PRKN: variants seen among roughly 807,000 people sequenced by gnomAD.
The protein encoded by PRKN is E3 ubiquitin-protein ligase parkin.
A neutral mutation model predicts 59.5 loss-of-function variants in PRKN; 56 were observed. The observed-to-expected ratio is 0.94, with a 90% CI of 0.76 to 1.18. The LOEUF (loss-of-function observed/expected upper bound fraction) is 1.18. Among genes scored for constraint, PRKN ranks in the 50% most tolerant of loss-of-function variants. PRKN has a pLI of 0.00. For synonymous variants in PRKN, 250 were observed against 222.1 expected, an observed-to-expected ratio of 1.13 and a Z score of -1.12; for missense variants, 657 against 596.4, an observed-to-expected ratio of 1.10 and a Z score of -1.06.
intron 7 of PRKN, among the ~76,000 whole-genome samples, chr6:161,784,371 G>A (rs1366552070): frequency 6.6e-6 from 1 of 152,166 alleles, no homozygotes; most frequent in Non-Finnish European, 1.5e-5. Context: ...TATAGAATGG[G>A]AGAAATATGT....
chr6:162,218,049 G>A (rs1457819838), intron 3 of PRKN, among the ~76,000 whole-genome samples: 1 of 152,204 alleles, frequency 6.6e-6, no homozygotes, highest in Non-Finnish European at 1.5e-5. Flanking sequence ...ACGCCGGGGT[G>A]ACAGGTCTGC....
chr6:162,075,125 T>C (rs1010143467), intron 4 of PRKN, among the ~76,000 whole-genome samples: 39 of 152,206 alleles, frequency 2.6e-4, no homozygotes, highest in African/African-American at 7.5e-4. Flanking sequence ...GTAGCTCAGA[T>C]TAGAGGCAGT....
intron 5 of PRKN, among the ~76,000 whole-genome samples, chr6:162,049,731 GT>G (rs1777550074): frequency 6.6e-6 from 1 of 152,108 alleles, no homozygotes; most frequent in Non-Finnish European, 1.5e-5. Context: ...GAATGTCCAC[GT>G]GTAACAGATT....
intron 7 of PRKN, among the ~76,000 whole-genome samples, chr6:161,678,464 T>C (rs1034128948): frequency 1.2e-4 from 18 of 151,870 alleles, no homozygotes; most frequent in African/African-American, 3.9e-4. Context: ...TAAAAAGTTA[T>C]CAGAAATGGT....
At chr6:162,089,098 C>T (rs1023169284) in intron 4 of PRKN, among the ~76,000 whole-genome samples, 6 of 152,086 alleles carry the variant, frequency 3.9e-5, no homozygotes, top group African/African-American at 1.2e-4. Context: ...ATCATCACTA[C>T]AGTAAAATGA....
intron 2 of PRKN, among the ~76,000 whole-genome samples, chr6:162,328,359 C>T (rs914281546): frequency 3.9e-5 from 6 of 152,038 alleles, no homozygotes; most frequent in Admixed American, 1.3e-4. Context: ...AGTGAGATTC[C>T]GTCTCAAAAA....
chr6:162,203,775 C>A (rs1244392883), intron 3 of PRKN, among the ~76,000 whole-genome samples: 2 of 152,234 alleles, frequency 1.3e-5, no homozygotes, highest in Middle Eastern at 3.4e-3. Flanking sequence ...GTTCTTGGAC[C>A]TTAAAATCCT....
At chr6:162,263,467 G>A (rs759254113) in intron 2 of PRKN, among the ~76,000 whole-genome samples, 7 of 152,114 alleles carry the variant, frequency 4.6e-5, no homozygotes, top group Non-Finnish European at 8.8e-5. Context: ...GCACACTCTT[G>A]CCACCCAGGG....
Position 161,447,579 on chromosome 6 carries a change from C to T in PRKN, c.1084-60702G>A, listed in dbSNP as rs186578870. Among the ~76,000 whole-genome samples the T allele has an allele frequency of 3.7e-4, 56 of 152,140 alleles. No individual in the cohort carries two copies. Among genetic ancestry groups the T allele is most frequent in the Admixed American group, 2.8e-3 (43 of 15,290 alleles). On this transcript the variant is annotated intron_variant, in intron 9 of 11. Transcript: ENST00000366898. This position sits in a 1 kb window ranked among gnomAD's most constrained non-coding sequence, Gnocchi z 4.1. ...AGTGATCTCAGCTCACTGCAACCTC[C>T]GCCTCCCGGGTTCAAGCGATGCTCC...
chr6:162,129,690 C>G (rs1266713136), intron 4 of PRKN, among the ~76,000 whole-genome samples: 3 of 152,084 alleles, frequency 2.0e-5, no homozygotes, highest in African/African-American at 7.2e-5. Flanking sequence ...TAACACTTTA[C>G]TATAAAATAC....
chr6:162,714,595 G>A (rs1470076951), intron 1 of PRKN, among the ~76,000 whole-genome samples: 1 of 152,048 alleles, frequency 6.6e-6, no homozygotes, highest in Non-Finnish European at 1.5e-5. Flanking sequence ...GAAATGATTG[G>A]ATCAAGAAAA....
At chr6:162,660,852 G>A (rs1344670262) in intron 1 of PRKN, among the ~76,000 whole-genome samples, 1 of 152,156 alleles carries the variant, frequency 6.6e-6, no homozygotes. Context: ...TTCAACTTGT[G>A]TAGGAGAGTT....
chr6:162,347,966 T>C (rs1784473000), intron 2 of PRKN, among the ~76,000 whole-genome samples: 1 of 152,168 alleles, frequency 6.6e-6, no homozygotes, highest in South Asian at 2.1e-4. Flanking sequence ...GAGATAAAGC[T>C]GAGAGTTGAG....
At chr6:162,395,664 G>A (rs778946822) in intron 2 of PRKN, among the ~76,000 whole-genome samples, 5 of 151,430 alleles carry the variant, frequency 3.3e-5, no homozygotes, top group African/African-American at 9.7e-5. Flanking sequence ...TGATACAAAC[G>A]CCAAAGTTAC....
At chr6:162,502,698 C>T (rs1023967712) in intron 1 of PRKN, among the ~76,000 whole-genome samples, 5 of 151,996 alleles carry the variant, frequency 3.3e-5, no homozygotes, top group African/African-American at 7.2e-5. Context: ...ATAACACACG[C>T]TTTTCCTCAG....
chr6:162,247,197 T>C (rs938515650), intron 3 of PRKN, among the ~76,000 whole-genome samples: 1 of 152,174 alleles, frequency 6.6e-6, no homozygotes, highest in Non-Finnish European at 1.5e-5. Flanking sequence ...AAATCAAAGA[T>C]CTTATTTTGA....
chr6:162,257,900 C>G (rs1378670725), intron 3 of PRKN, among the ~76,000 whole-genome samples: 1 of 152,134 alleles, frequency 6.6e-6, no homozygotes, highest in Admixed American at 6.5e-5. Flanking sequence ...ATTTTCTCAA[C>G]AGGGTCAAAT....
chr6:161,998,682 G>T (rs562142438), intron 5 of PRKN, among the ~76,000 whole-genome samples: 1 of 152,202 alleles, frequency 6.6e-6, no homozygotes, highest in East Asian at 1.9e-4. Flanking sequence ...TTCAATAAGA[G>T]GAAGTTTCAG....
chr6:161,363,362 A>G lies in PRKN; in HGVS notation c.1168-3157T>C, dbSNP rs1785057957. On this transcript the variant is annotated intron_variant, in intron 10 of 11. Coordinates refer to ENST00000366898, the MANE Select transcript of PRKN (RefSeq NM_004562.3). The surrounding 1 kb of genome is among the most constrained non-coding windows in gnomAD (Gnocchi z 4.1). The stretch of plus-strand genomic sequence containing the variant: ...CCAGGGAGATGTAAAAAAGAAACAA[A>G]TTTCTTTGTTTTGTCCATTTTTCTG... Among the ~76,000 whole-genome samples, 1 of 152,218 alleles carries G rather than the reference A, an allele frequency of 6.6e-6. No individual in the cohort carries two copies.
Sources: allele counts gnomAD v4.1 joint callset (sites outside exome capture counted in the v4.1 genomes callset), GRCh38; gene constraint gnomAD v4.1.1; non-coding constraint Gnocchi (gnomAD v3.1); transcripts MANE v1.5; gene names NCBI Gene and HGNC (gene_info 2026-07-23, HGNC 2026-07-21).